Variants in SLC16A7 observed in about 807,000 individuals in gnomAD.
The protein encoded by SLC16A7 is monocarboxylate transporter 2.
SLC16A7 carries 33 observed loss-of-function variants against 34.9 expected under a neutral mutation model. The ratio of observed to expected loss-of-function variants is 0.94; its 90% CI spans 0.72 to 1.26. The LOEUF is 1.26. Among genes scored for constraint, SLC16A7 ranks in the 50% most tolerant of loss-of-function variants. The pLI is 0.00. For missense variants in SLC16A7, 573 were observed against 578.1 expected (o/e 0.99, Z 0.09); for synonymous variants, 201 against 206.6 (o/e 0.97, Z 0.23).
rs573249190 is a variant in SLC16A7, at chr12:59,608,895, T to C, written c.-130+12659T>C. ...AAAAAAGTGTCACCAACAAATATTT[T>C]AAATGCCTAGAAACCTAATTATGAC... is the stretch of plus-strand genomic sequence containing the variant. On this transcript the variant is annotated intron_variant, in intron 1 of 5. Transcript: ENST00000547379. Among the ~76,000 whole-genome samples the C allele has an allele frequency of 4.4e-4, 67 of 152,336 alleles. 1 individual carries two copies. Among genetic ancestry groups the C allele is most frequent in the Admixed American group, 1.5e-3 (23 of 15,302 alleles).
chr12:59,642,824 T>A (rs138237306), intron 1 of SLC16A7, among the ~76,000 whole-genome samples: 12 of 152,228 alleles, frequency 7.9e-5, no homozygotes, highest in African/African-American at 2.9e-4. Flanking sequence ...CCATAATTGT[T>A]GTGAAGAATT....
At position 59,733,775 on chromosome 12, in the gene SLC16A7, C is replaced by T. The variant is rs112274444; in HGVS notation, c.217+28757C>T. On this transcript the variant is annotated intron_variant, in intron 3 of 5. Transcript: ENST00000547379. ...ATGAAGCACATGGACAACCGGAGAG[C>T]GAGCAAGGCAGAGAGGAGCTTCACT... The T allele has an allele frequency of 8.6e-3, 3,905 of 455,998 alleles. 75 individuals are homozygous for T. Among genetic ancestry groups the T allele is most frequent in the South Asian group, 0.029 (1,840 of 64,550 alleles). The allele number at this position is 455,998 out of a possible 1,614,324, so 28.2% of individuals were successfully genotyped here.
intron 1 of SLC16A7, among the ~76,000 whole-genome samples, chr12:59,645,060 T>G (rs1159680698): frequency 6.6e-6 from 1 of 152,204 alleles, no homozygotes. Context: ...GTACTCTTCA[T>G]TATCTCTTAT....
At chr12:59,623,046 CTGTGTGTGTGTGTGTGTGTGTG>C (rs57399813) in intron 1 of SLC16A7, among the ~76,000 whole-genome samples, 1 of 134,906 alleles carries the variant, frequency 7.4e-6, no homozygotes, top group Non-Finnish European at 1.6e-5. Flanking sequence ...CTACTGAATG[CTGTGTGTGTGTGTGTGTGTGTG>C]TGTGTGTGTG....
chr12:59,647,188 A>G (rs1868262737), intron 1 of SLC16A7, among the ~76,000 whole-genome samples: 2 of 152,056 alleles, frequency 1.3e-5, no homozygotes, highest in South Asian at 4.1e-4. Flanking sequence ...CTGGGGGTGG[A>G]ATGATATGGT....
At chr12:59,672,872 A>T (rs896617771) in intron 2 of SLC16A7, among the ~76,000 whole-genome samples, 5 of 152,096 alleles carry the variant, frequency 3.3e-5, no homozygotes, top group Admixed American at 3.3e-4. Flanking sequence ...AAAGAGCTTT[A>T]TTTGTATTCT....
chr12:59,755,904 C>T (rs1041545138), intron 3 of SLC16A7, among the ~76,000 whole-genome samples: 2 of 152,126 alleles, frequency 1.3e-5, no homozygotes, highest in African/African-American at 4.8e-5. Context: ...GGTACCAAAA[C>T]AGAGATATAG....
intron 3 of SLC16A7, among the ~76,000 whole-genome samples, chr12:59,759,252 G>A (rs1287533542): frequency 6.6e-6 from 1 of 151,852 alleles, no homozygotes. Context: ...CTTTCTATGT[G>A]CCTATCTACA....
intron 3 of SLC16A7, among the ~76,000 whole-genome samples, chr12:59,732,345 G>T (rs1877051874): frequency 6.6e-6 from 1 of 152,126 alleles, no homozygotes. Flanking sequence ...GCTTGAACCT[G>T]GGAGGTGGAG....
intron 3 of SLC16A7, among the ~76,000 whole-genome samples, chr12:59,745,679 C>G (rs1288465540): frequency 5.3e-5 from 8 of 152,152 alleles, no homozygotes; most frequent in Non-Finnish European, 8.8e-5. Context: ...AGCAGATATT[C>G]TTCCTGGAAG....
intron 2 of SLC16A7, among the ~76,000 whole-genome samples, chr12:59,665,752 C>A (rs370621815): frequency 6.7e-6 from 1 of 150,272 alleles, no homozygotes; most frequent in Admixed American, 6.7e-5. Flanking sequence ...TATATATATA[C>A]ACACACACAC....
At chr12:59,729,407 T>G (rs1332372654) in intron 3 of SLC16A7, among the ~76,000 whole-genome samples, 1 of 152,266 alleles carries the variant, frequency 6.6e-6, no homozygotes, top group African/African-American at 2.4e-5. Flanking sequence ...TCTCTCTGTT[T>G]CGGTTTCCCT....
intron 2 of SLC16A7, among the ~76,000 whole-genome samples, chr12:59,671,658 TTCTC>T (rs34073980): frequency 2.4e-4 from 34 of 139,608 alleles, no homozygotes; most frequent in Admixed American, 5.1e-4. Context: ...ACAGTGCTCT[TTCTC>T]TCTCTCTCTC....
intron 2 of SLC16A7, among the ~76,000 whole-genome samples, chr12:59,693,438 A>C (rs191238999): frequency 1.3e-5 from 2 of 152,038 alleles, no homozygotes; most frequent in Admixed American, 1.3e-4. Flanking sequence ...TAATAGTTTC[A>C]TTACTCCTAT....
intron 1 of SLC16A7, among the ~76,000 whole-genome samples, chr12:59,632,521 G>A (rs931371296): frequency 6.6e-6 from 1 of 151,806 alleles, no homozygotes; most frequent in African/African-American, 2.4e-5. Flanking sequence ...ATTCTTTGGG[G>A]CTCATAAATT....
rs905091736 is a variant in SLC16A7, at chr12:59,786,657, C to T, written c.*6978C>T. On this transcript the variant is annotated 3_prime_UTR_variant, in exon 6 of 6. Coordinates refer to ENST00000547379, the MANE Select transcript of SLC16A7 (RefSeq NM_001270623.2). ...GTTTAATGAATTCATTTCATCCTCTCAACCCTCAGTTTTGATAGGTATCCA... is the reference window on the plus strand; with the variant it reads ...GTTTAATGAATTCATTTCATCCTCTTAACCCTCAGTTTTGATAGGTATCCA... 3 of 152,104 alleles carry T rather than the reference C, an allele frequency of 2.0e-5. No individual in the cohort carries two copies. The highest frequency in any genetic ancestry group is 7.2e-5 in the African/African-American group (3 of 41,438). The allele number at this position is 152,104 out of a possible 1,614,324, so 9.4% of individuals were successfully genotyped here.
intron 3 of SLC16A7, among the ~76,000 whole-genome samples, chr12:59,754,099 T>G (rs1297027553): frequency 2.0e-5 from 3 of 152,258 alleles, no homozygotes; most frequent in African/African-American, 7.2e-5. Context: ...TGGGACACAT[T>G]CAAAGCAGTG....
chr12:59,661,617 A>G (rs1461741821), intron 2 of SLC16A7, among the ~76,000 whole-genome samples: 1 of 152,104 alleles, frequency 6.6e-6, no homozygotes, highest in Non-Finnish European at 1.5e-5. Flanking sequence ...AGGGTCTTAA[A>G]TGTACCATGT....
intron 1 of SLC16A7, among the ~76,000 whole-genome samples, chr12:59,601,145 T>C (rs1878663668): frequency 6.6e-6 from 1 of 152,224 alleles, no homozygotes; most frequent in African/African-American, 2.4e-5. Flanking sequence ...AGTGTTGGTA[T>C]TTTGTAGAAA....
Sources: gnomAD v4.1 joint callset for allele counts (sites outside exome capture counted in the v4.1 genomes callset) on GRCh38, gnomAD v4.1.1 for gene constraint, MANE v1.5 for transcripts, NCBI Gene and HGNC (gene_info 2026-07-23, HGNC 2026-07-21) for gene names.